The following AARS2 variants were observed in gnomAD, a reference collection of about 807,000 sequenced individuals.
AARS2 encodes alanyl-tRNA synthetase 2, mitochondrial, also known as alanine--tRNA ligase, mitochondrial.
Under a neutral mutation model 119.7 loss-of-function variants are expected in AARS2, and 78 were observed. The ratio of observed to expected loss-of-function variants is 0.65; its 90% CI spans 0.54 to 0.79. The LOEUF (loss-of-function observed/expected upper bound fraction) is 0.79, where lower values mean the gene tolerates loss of function less well. Ranked by LOEUF, AARS2 falls within the 30% of genes least tolerant of loss-of-function variation. AARS2 has a pLI of 0.00. For missense variants in AARS2, 1,157 were observed against 1,291.3 expected (o/e 0.90, Z 1.59); for synonymous variants, 502 against 526.3 (o/e 0.95, Z 0.63).
At chr6:44,310,963 G>T in intron 4 of AARS2, 31 bp downstream of exon 4, 1 of 1,613,474 alleles carries the variant, frequency 6.2e-7, no homozygotes, top group South Asian at 1.1e-5. Context: ...TTCTAGTCAG[G>T]GATTCTCATC....
rs1785917347 is a variant in AARS2, at chr6:44,307,036, A to G, written c.1041-5T>C. The stretch of plus-strand genomic sequence containing the variant: ...AGGATCCGACGAAGAACCAGCCTAA[A>G]GGGGTTCAGAGCCCAGACATGAATC... On this transcript the variant is annotated splice_region_variant and splice_polypyrimidine_tract_variant and intron_variant, in intron 6 of 21. Coordinates refer to ENST00000244571, the MANE Select transcript of AARS2 (RefSeq NM_020745.4). This position sits in a 1 kb window ranked among gnomAD's most constrained non-coding sequence, Gnocchi z 4.4. The G allele has an allele frequency of 6.2e-7, 1 of 1,614,026 alleles. No homozygotes were observed. The highest frequency in any genetic ancestry group is 2.2e-5 in the East Asian group (1 of 44,868).
chr6:44,304,145 C>T (rs1785617003), intron 14 of AARS2, 36 bp downstream of exon 14: 1 of 1,611,594 alleles, frequency 6.2e-7, no homozygotes, highest in Non-Finnish European at 8.5e-7. Flanking sequence ...ATGCCTGTCA[C>T]CTCACATGAA....
intron 1 of AARS2, 85 bp downstream of exon 1, chr6:44,312,996 T>C: frequency 1.3e-6 from 2 of 1,583,386 alleles, no homozygotes; most frequent in South Asian, 2.3e-5. Flanking sequence ...ACTCCGCCTC[T>C]CGCTTCTTTT....
Position 44,299,747 on chromosome 6 carries a change from GA to G in AARS2, c.*799del, listed in dbSNP as rs1785206025. 6.6e-6 allele frequency: 1 copy of G among 152,182 alleles called. No individual in the cohort carries two copies. Among genetic ancestry groups the G allele is most frequent in the Non-Finnish European group, 1.5e-5 (1 of 68,048 alleles). 9.4% of individuals were successfully genotyped at this position (152,182 alleles called of 1,614,324 possible). ...AATAGCAAAGAAGGTCTCCAGTGCT[GA>G]AATGATTTTCACAGGATGGTTCTGT... is the stretch of plus-strand genomic sequence containing the variant. On this transcript the variant is annotated 3_prime_UTR_variant, in exon 22 of 22. Transcript: ENST00000244571.
At chr6:44,303,460 C>T (rs1785539107) in intron 14 of AARS2, 37 bp from the exon 15 acceptor site, 2 of 1,613,538 alleles carry the variant, frequency 1.2e-6, no homozygotes, top group African/African-American at 1.3e-5. Context: ...GACCAACATG[C>T]AGTCAGCCCC....
chr6:44,302,656 A>AGCTGGCATGTGTTTTGATTATTTGGTGCT, intron 17 of AARS2, 143 bp from the exon 18 acceptor site: 1 of 1,472,048 alleles, frequency 6.8e-7, no homozygotes, highest in Non-Finnish European at 9.3e-7. Flanking sequence ...AACACATGCC[A>AGCTGGCATGTGTTTTGATTATTTGGTGCT]GCTGCCAATA....
At chr6:44,304,088 C>T (rs950776004) in intron 14 of AARS2, 93 bp downstream of exon 14, 29 of 1,580,628 alleles carry the variant, frequency 1.8e-5, no homozygotes, top group Admixed American at 3.3e-5. Flanking sequence ...GGGCCTAGAG[C>T]CCAGGACTCT....
intron 19 of AARS2, 113 bp downstream of exon 19, chr6:44,301,947 C>T: frequency 2.7e-6 from 3 of 1,094,112 alleles, no homozygotes; most frequent in Non-Finnish European, 4.1e-6. Flanking sequence ...AAGCTGCCAC[C>T]ACCCCGTCCT....
At position 44,305,783 on chromosome 6, in the gene AARS2, T is replaced by C; in HGVS notation, c.1304A>G (p.Glu435Gly). The change falls in exon 10 of 22, where the codon GAA (glutamate) becomes GGA (glycine). Residue 435 changes from glutamate (E) to glycine (G), a missense_variant. Coordinates refer to ENST00000244571, the MANE Select transcript of AARS2 (RefSeq NM_020745.4). The surrounding 1 kb of genome is among the most constrained non-coding windows in gnomAD (Gnocchi z 4.6). ...TLGPSDMFPA[E>G]VAWSLSLCGD... ...ACACAGTGACAAGGACCAGGCCACT[T>C]CAGCTTTGAGAAAGAAAGACAAAGA... 4 of 1,614,128 alleles carry C rather than the reference T, an allele frequency of 2.5e-6. No homozygotes were observed. The highest frequency in any genetic ancestry group is 3.4e-6 in the Non-Finnish European group (4 of 1,179,990).
chr6:44,305,240 G>C lies in AARS2; in HGVS notation c.1435-42C>G. 6.2e-7 allele frequency: 1 copy of C among 1,604,090 alleles called. No homozygotes were observed. Among genetic ancestry groups the C allele is most frequent in the Non-Finnish European group, 8.5e-7 (1 of 1,179,874 alleles). ...GGCATGGAAGAAGTGCATGGAGAATGAAAGAATGAAAGTGGGACTTCAGCC... is the reference window on the plus strand; with the variant it reads ...GGCATGGAAGAAGTGCATGGAGAATCAAAGAATGAAAGTGGGACTTCAGCC... On this transcript the variant is annotated intron_variant, in intron 10 of 21. Transcript: ENST00000244571. This position sits in a 1 kb window ranked among gnomAD's most constrained non-coding sequence, Gnocchi z 4.6.
chr6:44,301,597 G>A, intron 19 of AARS2, 133 bp from the exon 20 acceptor site: 1 of 859,220 alleles, frequency 1.2e-6, no homozygotes, highest in South Asian at 1.4e-5. Flanking sequence ...TTAGCTCTAG[G>A]CAGAGGTGGC....
chr6:44,310,524 G>A, intron 4 of AARS2, 81 bp from the exon 5 acceptor site: 2 of 1,513,444 alleles, frequency 1.3e-6, no homozygotes, highest in Non-Finnish European at 1.8e-6. Flanking sequence ...GTAGAGAAAT[G>A]GGGGGGGGCC....
rs769852402 is a variant in AARS2 at position 44,305,080 on chromosome 6, T to C, written c.1553A>G (p.Tyr518Cys). Residue 518 changes from tyrosine to cysteine, a missense_variant, in exon 11 of 22, where the codon TAC (tyrosine) becomes TGC (cysteine). By Grantham distance (194) the Tyr-to-Cys change is radical. Transcript: ENST00000244571. The surrounding 1 kb of genome is among the most constrained non-coding windows in gnomAD (Gnocchi z 4.6). Reference protein sequence around the residue: ...PPTDDSPKYNYSLRPSGSYEF... With the variant: ...PPTDDSPKYNCSLRPSGSYEF... ...ATAACTTCCGCTGGGTCGCAGGGAG[T>C]AGTTGTACTTGGGGCTGTCGTCAGT... 8.1e-6 allele frequency: 13 copies of C among 1,613,628 alleles called. No homozygotes were observed. Among genetic ancestry groups the C allele is most frequent in the Non-Finnish European group, 1.1e-5 (13 of 1,179,950 alleles).
chr6:44,312,740 T>C (rs994886723), intron 1 of AARS2, among the ~76,000 whole-genome samples: 2 of 152,146 alleles, frequency 1.3e-5, no homozygotes, highest in African/African-American at 2.4e-5. Context: ...CCTTAGAGAA[T>C]AGTACTCAGC....
chr6:44,302,080 G>C lies in AARS2; in HGVS notation c.2578C>G (p.Arg860Gly). 6.2e-7 allele frequency: 1 copy of C among 1,614,104 alleles called. No individual in the cohort carries two copies. The change falls in exon 19 of 22, where the codon CGT becomes GGT. Residue 860 changes from arginine to glycine, a missense_variant. Physicochemically the swap from Arg to Gly is moderately radical, Grantham distance 125. Coordinates refer to ENST00000244571, the MANE Select transcript of AARS2 (RefSeq NM_020745.4). The part of the protein sequence containing the change: ...MLQRRANTAI[R>G]KLQMGQAAKK... The stretch of plus-strand genomic sequence containing the variant: ...CTCACCTGTCCCATTTGCAGCTTAC[G>C]GATGGCAGTGTTGGCACGCCGCTGC...
intron 14 of AARS2, 116 bp downstream of exon 14, chr6:44,304,065 G>T: frequency 1.4e-6 from 2 of 1,467,794 alleles, no homozygotes; most frequent in South Asian, 1.2e-5. Context: ...CATAGTGATT[G>T]GGTGGCCGTG....
intron 2 of AARS2, 24 bp from the exon 3 acceptor site, chr6:44,311,559 T>TA: frequency 6.3e-7 from 1 of 1,587,650 alleles, no homozygotes; most frequent in Non-Finnish European, 8.6e-7. Context: ...CAGCATGGGG[T>TA]GGGGGGGGAA....
chr6:44,312,051 C>A, intron 2 of AARS2, 21 bp downstream of exon 2: 1 of 1,612,654 alleles, frequency 6.2e-7, no homozygotes, highest in Non-Finnish European at 8.5e-7. Context: ...CTTGGCTGAT[C>A]ACTGATCCCC....
intron 1 of AARS2, among the ~76,000 whole-genome samples, chr6:44,312,570 G>A (rs1219191708): frequency 2.6e-5 from 4 of 152,148 alleles, no homozygotes; most frequent in African/African-American, 4.8e-5. Flanking sequence ...GGCATCCTCC[G>A]TCTCAGCTTC....
Sources: allele counts gnomAD v4.1 joint callset (sites outside exome capture counted in the v4.1 genomes callset), GRCh38; gene constraint gnomAD v4.1.1; non-coding constraint Gnocchi (gnomAD v3.1); transcripts MANE v1.5; gene names NCBI Gene and HGNC (gene_info 2026-07-23, HGNC 2026-07-21).